The following ZFHX3 variants were observed in gnomAD, a reference collection of about 807,000 sequenced individuals.
ZFHX3 encodes zinc finger homeobox 3.
ZFHX3 carries 42 observed loss-of-function variants against 279.1 expected under a neutral mutation model. The observed-to-expected ratio is 0.15, with a 90% CI of 0.12 to 0.19. ZFHX3 has a LOEUF of 0.19. ZFHX3 is among the 10% of genes least tolerant of loss of function. The pLI, the probability that ZFHX3 is intolerant of heterozygous loss-of-function variation, is 1.00. For missense variants in ZFHX3, 4,981 were observed against 4,754.0 expected (o/e 1.05, Z -1.40); for synonymous variants, 2,293 against 1,957.8 (o/e 1.17, Z -4.52).
rs779928265 is a variant in ZFHX3, at chr16:72,811,985, G to A, written c.3583C>T (p.Arg1195Cys). ...TCTGAGCTACCTGGGAAGGAGATGC[G>A]TTTGGAGGTTGCAGGAGAATCTGTC... ...ELTDSPATSK[R>C]ISFPGSSESP... The change falls in exon 6 of 10, where the codon CGC becomes TGC. Residue 1195 changes from arginine (R) to cysteine (C), a missense_variant. Arg to Cys is a radical substitution (Grantham distance 180). Around this residue, in one of 7 missense-constraint regions of ZFHX3, gnomAD observed 1,751 missense variants for 1,770.0 expected, o/e 0.99. Transcript: ENST00000268489. The A allele has an allele frequency of 2.0e-5, 33 of 1,614,070 alleles. No individual in the cohort carries two copies. The highest frequency in any genetic ancestry group is 3.3e-4 in the Middle Eastern group (2 of 6,082).
intron 3 of ZFHX3, among the ~76,000 whole-genome samples, chr16:73,356,265 C>G (rs942766621): frequency 6.6e-6 from 1 of 152,116 alleles, no homozygotes; most frequent in African/African-American, 2.4e-5. Context: ...CAGCCTGGTA[C>G]GGCTGGCCCG....
chr16:73,184,083 C>T (rs1967860189), intron 5 of ZFHX3, among the ~76,000 whole-genome samples: 1 of 152,112 alleles, frequency 6.6e-6, no homozygotes, highest in African/African-American at 2.4e-5. Context: ...GGCTTTTGGT[C>T]TACTGCGTCT....
chr16:73,609,828 T>C (rs887413222), intron 2 of ZFHX3: 10 of 152,216 alleles, frequency 6.6e-5, no homozygotes, highest in African/African-American at 2.4e-4. Flanking sequence ...GCACATGGCA[T>C]AGAAAGAAGA....
chr16:73,241,529 G>A (rs1014943120), intron 5 of ZFHX3, among the ~76,000 whole-genome samples: 3 of 151,750 alleles, frequency 2.0e-5, no homozygotes, highest in East Asian at 3.9e-4. Context: ...GGTGGCTCAT[G>A]CCTGTAATCC....
chr16:73,261,668 G>GTTTTTTTTTTTTTTT (rs1187489542), intron 4 of ZFHX3, among the ~76,000 whole-genome samples: 6 of 80,702 alleles, frequency 7.4e-5, no homozygotes, highest in African/African-American at 2.4e-4. Flanking sequence ...TCCTGTGATT[G>GTTTTTTTTTTTTTTT]TTTTTTTTTT....
At chr16:73,658,845 A>G (rs753719196) in intron 2 of ZFHX3, among the ~76,000 whole-genome samples, 2 of 152,234 alleles carry the variant, frequency 1.3e-5, no homozygotes, top group Non-Finnish European at 2.9e-5. Context: ...GCATAGCAGT[A>G]TAACAACCAA....
intron 1 of ZFHX3, among the ~76,000 whole-genome samples, chr16:73,003,417 A>G (rs999467126): frequency 5.3e-5 from 8 of 151,922 alleles, no homozygotes; most frequent in African/African-American, 1.9e-4. Context: ...GCTAGGCACA[A>G]TGGCTCACAC....
chr16:73,346,255 G>A (rs2016121477), intron 3 of ZFHX3, among the ~76,000 whole-genome samples: 1 of 152,156 alleles, frequency 6.6e-6, no homozygotes, highest in Admixed American at 6.5e-5. Flanking sequence ...GGAAACATCT[G>A]TCCCTCCCAG....
rs1268079538 is a variant in ZFHX3, at chr16:73,048,063, C to T, written c.-361G>A. 2 of 151,708 alleles carry T rather than the reference C, an allele frequency of 1.3e-5. No homozygotes were observed. The highest frequency in any genetic ancestry group is 4.8e-5 in the African/African-American group (2 of 41,366). 9.4% of individuals were successfully genotyped at this position (151,708 alleles called of 1,614,324 possible). On this transcript the variant is annotated 5_prime_UTR_variant, in exon 1 of 10. Coordinates refer to ENST00000268489, the MANE Select transcript of ZFHX3 (RefSeq NM_006885.4). ...GGGGCGCGGCGCTGGCGTCCGGGTC[C>T]CCGGCCTGCCCGCCGCCGCCGCCTC...
intron 4 of ZFHX3, among the ~76,000 whole-genome samples, chr16:72,886,054 G>A (rs186524065): frequency 2.5e-4 from 38 of 152,304 alleles, no homozygotes; most frequent in African/African-American, 9.1e-4. Flanking sequence ...GGTCCATAAT[G>A]TCCGTTCTCT....
intron 2 of ZFHX3, among the ~76,000 whole-genome samples, chr16:73,496,886 G>T (rs2019150882): frequency 6.6e-6 from 1 of 152,154 alleles, no homozygotes; most frequent in Non-Finnish European, 1.5e-5. Context: ...GGAAGTTGCT[G>T]CTTCTCCTCC....
chr16:73,478,328 G>C, intron 2 of ZFHX3, among the ~76,000 whole-genome samples: 1 of 151,526 alleles, frequency 6.6e-6, no homozygotes, highest in Non-Finnish European at 1.5e-5. Flanking sequence ...GCCTGAACAG[G>C]GACTTGAACC....
chr16:73,277,072 G>A (rs1335733888), intron 4 of ZFHX3, among the ~76,000 whole-genome samples: 2 of 152,098 alleles, frequency 1.3e-5, no homozygotes, highest in African/African-American at 2.4e-5. Flanking sequence ...TTCATTAAAC[G>A]TACTGGCAAG....
chr16:73,330,038 C>T (rs948289203), intron 3 of ZFHX3, among the ~76,000 whole-genome samples: 5 of 152,070 alleles, frequency 3.3e-5, no homozygotes, highest in Non-Finnish European at 7.4e-5. Flanking sequence ...CATGGCATGC[C>T]CCAGCTACTC....
At chr16:73,740,873 C>CTTCA (rs745513478) in intron 1 of ZFHX3, among the ~76,000 whole-genome samples, 137 of 152,234 alleles carry the variant, frequency 9.0e-4, no homozygotes, top group Admixed American at 3.2e-3. Flanking sequence ...AGAAAGAAGC[C>CTTCA]TTCACTTGAG....
In ZFHX3 at chr16:72,847,228, G is replaced by A. The variant is rs143912798; in HGVS notation, c.3449-17369C>T. ...CACTTCCTAGTACAAAATGAATTTGGTATTGAGGATGAAGGGGGGACTTTA... is the reference window on the plus strand; with the variant it reads ...CACTTCCTAGTACAAAATGAATTTGATATTGAGGATGAAGGGGGGACTTTA... On this transcript the variant is annotated intron_variant, in intron 4 of 9. Transcript: ENST00000268489. 1.4e-4 allele frequency among the ~76,000 whole-genome samples: 22 copies of A among 152,302 alleles called. No homozygotes were observed. In the East Asian group the frequency reaches 3.9e-3, roughly 27 times the overall value.
chr16:73,077,702 T>C (rs975751682), intron 8 of ZFHX3, among the ~76,000 whole-genome samples: 3 of 152,250 alleles, frequency 2.0e-5, no homozygotes, highest in Non-Finnish European at 4.4e-5. Flanking sequence ...AGGTGTTAGA[T>C]TTAGAAATTA....
Position 72,787,524 on chromosome 16 carries a change from T to A in ZFHX3, c.10752A>T (p.Ala3584=). 1 of 1,613,964 alleles carries A rather than the reference T, an allele frequency of 6.2e-7. No homozygotes were observed. Among genetic ancestry groups the A allele is most frequent in the Non-Finnish European group, 8.5e-7 (1 of 1,179,958 alleles). The part of the protein sequence containing the change: ...HSACFPDPST[A]STSQSAAHSN... ...AGTGAGCGGCAGACTGCGAGGTAGA[T>A]GCGGTGCTAGGATCGGGGAAGCAGG... Residue 3584 remains alanine (A), a synonymous_variant, in exon 10 of 10, where the codon GCA becomes GCT. Transcript: ENST00000268489.
At chr16:73,399,341 C>T (rs1361952780) in intron 3 of ZFHX3, among the ~76,000 whole-genome samples, 1 of 152,134 alleles carries the variant, frequency 6.6e-6, no homozygotes, top group Non-Finnish European at 1.5e-5. Flanking sequence ...TCCTCTGAGG[C>T]ATGGGTGGAA....
Sources: allele counts gnomAD v4.1 joint callset (sites outside exome capture counted in the v4.1 genomes callset), GRCh38; gene constraint gnomAD v4.1.1; regional missense constraint gnomAD v4.1.1; transcripts MANE v1.5; gene names NCBI Gene and HGNC (gene_info 2026-07-23, HGNC 2026-07-21).